Variants in EPB41L4A observed in about 807,000 individuals in gnomAD.
EPB41L4A encodes the protein band 4.1-like protein 4A.
A neutral mutation model predicts 108.6 loss-of-function variants in EPB41L4A; 100 were observed. The observed-to-expected ratio is 0.92, with a 90% CI of 0.78 to 1.09. The LOEUF is 1.09. Ranked by LOEUF, EPB41L4A falls within the 50% of genes least tolerant of loss-of-function variation. The pLI, the probability that EPB41L4A is intolerant of heterozygous loss-of-function variation, is 0.00. For synonymous variants in EPB41L4A, 319 were observed against 289.0 expected, an observed-to-expected ratio of 1.10 and a Z score of -1.05; for missense variants, 1,030 against 842.7, an observed-to-expected ratio of 1.22 and a Z score of -2.75.
At chr5:112,173,046 C>G (rs924829286) in intron 18 of EPB41L4A, among the ~76,000 whole-genome samples, 1 of 152,212 alleles carries the variant, frequency 6.6e-6, no homozygotes, top group Non-Finnish European at 1.5e-5. Flanking sequence ...GGAAGCAAAA[C>G]TGCCCCCAGT....
At chr5:112,161,392 C>A, downstream of EPB41L4A, 2 of 418,480 alleles carry the variant, frequency 4.8e-6, no homozygotes, top group South Asian at 1.8e-5. Flanking sequence ...GAGAAAATTT[C>A]TCTGAAATGT....
chr5:112,397,760 G>A (rs190775199), intron 1 of EPB41L4A, among the ~76,000 whole-genome samples: 3 of 152,040 alleles, frequency 2.0e-5, no homozygotes, highest in Non-Finnish European at 4.4e-5. Flanking sequence ...CTTCATAAAA[G>A]CCCTATATGA....
intron 22 of EPB41L4A, among the ~76,000 whole-genome samples, chr5:112,166,658 C>T (rs1760267729): frequency 1.3e-5 from 2 of 152,188 alleles, no homozygotes; most frequent in African/African-American, 4.8e-5. Flanking sequence ...GTAATGCATA[C>T]TCCTATTTGT....
At chr5:112,300,857 A>C (rs185231981) in intron 2 of EPB41L4A, among the ~76,000 whole-genome samples, 1 of 151,796 alleles carries the variant, frequency 6.6e-6, no homozygotes, top group East Asian at 1.9e-4. Context: ...CTTTTTTCTT[A>C]GTCTTTGTTG....
At chr5:112,293,983 C>T (rs1279932296) in intron 2 of EPB41L4A, among the ~76,000 whole-genome samples, 7 of 152,122 alleles carry the variant, frequency 4.6e-5, no homozygotes, top group African/African-American at 1.7e-4. Context: ...ATGGGATCCA[C>T]CATCATACAG....
chr5:112,340,257 G>T (rs1757227749), intron 1 of EPB41L4A, among the ~76,000 whole-genome samples: 1 of 152,176 alleles, frequency 6.6e-6, no homozygotes, highest in Admixed American at 6.5e-5. Flanking sequence ...TAGCACAGTG[G>T]TTCTTAAAAC....
In EPB41L4A at chr5:112,309,486, T is replaced by G. The variant is rs1443833265; in HGVS notation, c.100-1996A>C. Among the ~76,000 whole-genome samples, 3 of 152,140 alleles carry G rather than the reference T, an allele frequency of 2.0e-5. No homozygotes were observed. The South Asian group carries it at 6.2e-4, about 32-fold the overall frequency. On this transcript the variant is annotated intron_variant, in intron 1 of 22. Coordinates refer to ENST00000261486, the MANE Select transcript of EPB41L4A (RefSeq NM_022140.5). The stretch of plus-strand genomic sequence containing the variant: ...GTGGAGGTGTAGATACTAAGATATT[T>G]ACAAAGTGAAACCTCTATATGGTTG...
At chr5:112,156,311 C>A (rs910643532) in intron 12 of EPB41L4A, among the ~76,000 whole-genome samples, 7 of 152,136 alleles carry the variant, frequency 4.6e-5, no homozygotes, top group African/African-American at 1.4e-4. Flanking sequence ...TTGGCTCATG[C>A]AATTATGGTA....
At chr5:112,178,042 TA>T (rs376246670) in intron 18 of EPB41L4A, among the ~76,000 whole-genome samples, 4,718 of 142,246 alleles carry the variant, frequency 0.033, 249 homozygotes, top group East Asian at 0.24. Flanking sequence ...AGGCTAGAAT[TA>T]AAAAAAAAAA....
intron 17 of EPB41L4A, among the ~76,000 whole-genome samples, chr5:112,184,496 A>T (rs1761327022): frequency 6.6e-6 from 1 of 152,228 alleles, no homozygotes; most frequent in Non-Finnish European, 1.5e-5. Flanking sequence ...CATTATTTTA[A>T]ATGTGCTAGT....
chr5:112,337,160 A>T (rs1016647094), intron 1 of EPB41L4A, among the ~76,000 whole-genome samples: 11 of 152,306 alleles, frequency 7.2e-5, no homozygotes, highest in African/African-American at 2.6e-4. Context: ...GGGGCTCTTC[A>T]ACCATATATA....
chr5:112,182,065 A>G (rs531702955), intron 18 of EPB41L4A, among the ~76,000 whole-genome samples: 8 of 152,094 alleles, frequency 5.3e-5, no homozygotes, highest in African/African-American at 7.2e-5. Flanking sequence ...AGAGAAAAAA[A>G]AAAAAGAAAA....
At chr5:112,213,705 C>A (rs935732055) in intron 12 of EPB41L4A, among the ~76,000 whole-genome samples, 1 of 152,086 alleles carries the variant, frequency 6.6e-6, no homozygotes, top group Admixed American at 6.5e-5. Flanking sequence ...CTGTACTCCC[C>A]TACTCTATAA....
At chr5:112,144,173 T>C (rs1759165427) in intron 13 of EPB41L4A, among the ~76,000 whole-genome samples, 1 of 152,226 alleles carries the variant, frequency 6.6e-6, no homozygotes, top group Admixed American at 6.5e-5. Context: ...ACCCAATAGA[T>C]ATGTACTTTT....
At chr5:112,284,979 T>C (rs1422025628) in intron 2 of EPB41L4A, among the ~76,000 whole-genome samples, 3 of 152,184 alleles carry the variant, frequency 2.0e-5, no homozygotes, top group African/African-American at 4.8e-5. Context: ...AGCCAATCAA[T>C]ATCCTAATCT....
chr5:112,203,163 G>A (rs116767308), intron 15 of EPB41L4A, among the ~76,000 whole-genome samples: 4,956 of 152,030 alleles, frequency 0.033, 308 homozygotes, highest in African/African-American at 0.11. Context: ...TCAGGAGTTC[G>A]AGACCAACGT....
intron 2 of EPB41L4A, among the ~76,000 whole-genome samples, chr5:112,296,990 TACAC>T (rs10542487): frequency 0.12 from 17,993 of 148,752 alleles, 1,327 homozygotes; most frequent in East Asian, 0.34. Context: ...TATACATACA[TACAC>T]ACACACACAC....
intron 9 of EPB41L4A, among the ~76,000 whole-genome samples, chr5:112,248,903 TCCTC>T (rs1432598949): frequency 6.6e-6 from 1 of 152,080 alleles, no homozygotes; most frequent in Non-Finnish European, 1.5e-5. Flanking sequence ...CTTGACAGGC[TCCTC>T]CCTGTTTTTG....
At chr5:112,398,315 T>A (rs1761504147) in intron 1 of EPB41L4A, among the ~76,000 whole-genome samples, 1 of 152,194 alleles carries the variant, frequency 6.6e-6, no homozygotes, top group African/African-American at 2.4e-5. Flanking sequence ...TGGCAGTTAG[T>A]AAGAGTGAAG....
Sources: allele counts gnomAD v4.1 joint callset (sites outside exome capture counted in the v4.1 genomes callset), GRCh38; gene constraint gnomAD v4.1.1; transcripts MANE v1.5; gene names NCBI Gene and HGNC (gene_info 2026-07-23, HGNC 2026-07-21).